CR1: variants seen among roughly 807,000 people sequenced by gnomAD.
CR1 encodes complement receptor type 1.
A neutral mutation model predicts 187.3 loss-of-function variants in CR1; 116 were observed. That is an observed-to-expected ratio of 0.62 (90% CI 0.53 to 0.72). CR1 has a LOEUF of 0.72. CR1 is among the 30% of genes least tolerant of loss of function. The probability of loss-of-function intolerance (pLI) is 0.00; values close to 1 mark genes in which losing one functional copy is unlikely to be tolerated. For missense variants in CR1, 1,731 were observed against 2,110.7 expected (o/e 0.82, Z 3.52); for synonymous variants, 576 against 747.1 (o/e 0.77, Z 3.73).
chr1:207,624,106 A>G (rs2102406973), intron 45 of CR1, among the ~76,000 whole-genome samples: 1 of 151,576 alleles, frequency 6.6e-6, no homozygotes, highest in South Asian at 2.1e-4. Context: ...TTGTATTTTT[A>G]GTACAGAAAG....
chr1:207,584,951 A>C, intron 33 of CR1, 75 bp downstream of exon 33: 1 of 1,575,924 alleles, frequency 6.3e-7, no homozygotes. Context: ...CTGTAATAAG[A>C]CTATGGTATT....
chr1:207,635,381 CTCGGCA>C (rs1662781785), intron 46 of CR1, among the ~76,000 whole-genome samples: 1 of 152,104 alleles, frequency 6.6e-6, no homozygotes, highest in Non-Finnish European at 1.5e-5. Context: ...GAACAAAGGT[CTCGGCA>C]TCATAAACAA....
At chr1:207,526,481 G>GTC (rs1206345958) in intron 5 of CR1, among the ~76,000 whole-genome samples, 3 of 150,810 alleles carry the variant, frequency 2.0e-5, no homozygotes, top group Non-Finnish European at 4.4e-5. Flanking sequence ...AGAAGGAACT[G>GTC]TCCATTGTGA....
rs1233918789 is a variant in CR1, at chr1:207,640,610, A to G, written c.*1201A>G. The stretch of plus-strand genomic sequence containing the variant: ...TTAAAACACAACTTTTAAAAAATGT[A>G]TCAAAATAATAAACGTGTTCTGATA... On this transcript the variant is annotated 3_prime_UTR_variant, in exon 47 of 47. Coordinates refer to ENST00000367049, the MANE Select transcript of CR1 (RefSeq NM_000651.6). 1 of 152,254 alleles carries G rather than the reference A, an allele frequency of 6.6e-6. No individual in the cohort carries two copies. Among genetic ancestry groups the G allele is most frequent in the Non-Finnish European group, 1.5e-5 (1 of 68,046 alleles). 9.4% of individuals were successfully genotyped at this position (152,254 alleles called of 1,614,324 possible).
In CR1 at chr1:207,612,007, C is replaced by T; in HGVS notation, c.6541C>T (p.Leu2181Phe). 4 of 1,614,036 alleles carry T rather than the reference C, an allele frequency of 2.5e-6. No individual in the cohort carries two copies. The change falls in exon 39 of 47, where the codon CTT becomes TTT. Residue 2181 changes from leucine to phenylalanine, a missense_variant. Leu to Phe is a conservative substitution (Grantham distance 22). This residue lies in a region of CR1 where 1,312 missense variants were observed against 1,379.6 expected (regional missense o/e 0.95). Transcript: ENST00000367049. ...TGTGCTACTTCCACTTAATCTCCAG[C>T]TTGGGGCAAAGGTGTCCTTTGTTTG... ...GRVLLPLNLQ[L>F]GAKVSFVCDE...
intron 40 of CR1, among the ~76,000 whole-genome samples, chr1:207,615,569 C>T (rs1392803183): frequency 2.0e-5 from 3 of 152,144 alleles, no homozygotes; most frequent in African/African-American, 7.2e-5. Context: ...CAAGACATTA[C>T]TGATTGATTC....
intron 42 of CR1, among the ~76,000 whole-genome samples, 199 bp downstream of exon 42, chr1:207,618,446 C>T (rs900268070): frequency 1.3e-5 from 2 of 152,148 alleles, no homozygotes; most frequent in East Asian, 3.8e-4. Flanking sequence ...AGTGCTTCTC[C>T]ATCCAGAGCA....
chr1:207,607,265 G>C lies in CR1; in HGVS notation c.5825G>C (p.Gly1942Ala). The change falls in exon 36 of 47, where the codon GGT becomes GCT. Residue 1942 changes from glycine (G) to alanine (A), a missense_variant. This residue lies in a region of CR1 where 1,312 missense variants were observed against 1,379.6 expected (regional missense o/e 0.95). Coordinates refer to ENST00000367049, the MANE Select transcript of CR1 (RefSeq NM_000651.6). Reference sequence around the variant, plus strand: ...CTTTGCTTTAGGTTTCGACTCATTGGTTCCCCATCTACTACTTGTCTCGTC... The same window carrying C: ...CTTTGCTTTAGGTTTCGACTCATTGCTTCCCCATCTACTACTTGTCTCGTC... Reference protein sequence around the residue: ...YSCNEGFRLIGSPSTTCLVSG... With the variant: ...YSCNEGFRLIASPSTTCLVSG... 6.2e-7 allele frequency: 1 copy of C among 1,613,306 alleles called. No individual in the cohort carries two copies. Among genetic ancestry groups the C allele is most frequent in the South Asian group, 1.1e-5 (1 of 91,056 alleles).
chr1:207,511,737 C>A (rs113566146), intron 4 of CR1, 83 bp downstream of exon 4: 15 of 1,345,480 alleles, frequency 1.1e-5, no homozygotes, highest in Admixed American at 7.3e-5. Context: ...AACTGAATTC[C>A]TTCTGTGCAA....
chr1:207,594,894 T>C (rs1661382508), intron 35 of CR1, among the ~76,000 whole-genome samples: 1 of 151,876 alleles, frequency 6.6e-6, no homozygotes, highest in African/African-American at 2.4e-5. Context: ...GATAAAGAAA[T>C]TGAAGATAAA....
Position 207,641,537 on chromosome 1 carries a change from TTG to T in CR1, c.*2130_*2131del, listed in dbSNP as rs1402697626. 6.6e-6 allele frequency: 1 copy of T among 152,238 alleles called. No homozygotes were observed. The highest frequency in any genetic ancestry group is 1.5e-5 in the Non-Finnish European group (1 of 68,050). 9.4% of individuals were successfully genotyped at this position (152,238 alleles called of 1,614,324 possible). On this transcript the variant is annotated 3_prime_UTR_variant, in exon 47 of 47. Coordinates refer to ENST00000367049, the MANE Select transcript of CR1 (RefSeq NM_000651.6). Reference sequence around the variant, plus strand: ...TGAGTAAAATACTATATTGCCTAACTTGTATTATTAAGCAATTCTGCTAACCT... The same window carrying T: ...TGAGTAAAATACTATATTGCCTAACTTATTATTAAGCAATTCTGCTAACCT...
intron 41 of CR1, among the ~76,000 whole-genome samples, chr1:207,617,551 A>G (rs1341550507): frequency 8.9e-6 from 1 of 112,662 alleles, no homozygotes; most frequent in Non-Finnish European, 1.9e-5. Flanking sequence ...GTGTGTATAT[A>G]TATATGTGTA....
intron 32 of CR1, among the ~76,000 whole-genome samples, chr1:207,582,329 C>T (rs1660982780): frequency 1.3e-5 from 2 of 152,176 alleles, no homozygotes; most frequent in African/African-American, 2.4e-5. Context: ...TTCAACTTTT[C>T]AGTTCTTCCC....
chr1:207,630,702 G>A, intron 46 of CR1, 81 bp downstream of exon 46: 3 of 908,708 alleles, frequency 3.3e-6, no homozygotes, highest in South Asian at 2.0e-5. Flanking sequence ...ATATGATATT[G>A]CACTAGGTAG....
At chr1:207,615,514 G>GA (rs1662066505) in intron 40 of CR1, among the ~76,000 whole-genome samples, 1 of 152,080 alleles carries the variant, frequency 6.6e-6, no homozygotes, top group African/African-American at 2.4e-5. Context: ...CCAAAATTCA[G>GA]AAAAAATTCA....
chr1:207,605,430 A>T (rs1027464827), intron 35 of CR1, among the ~76,000 whole-genome samples: 5 of 152,210 alleles, frequency 3.3e-5, no homozygotes, highest in Admixed American at 3.3e-4. Context: ...TTTGCAACAG[A>T]AACATATATC....
At chr1:207,582,399 T>C (rs1660984585) in intron 32 of CR1, among the ~76,000 whole-genome samples, 1 of 152,220 alleles carries the variant, frequency 6.6e-6, no homozygotes, top group South Asian at 2.1e-4. Context: ...GAGCACCTAC[T>C]ATGTGCCAAG....
chr1:207,617,505 ATATGTGTGTGTGTG>A (rs1456724797), intron 41 of CR1, among the ~76,000 whole-genome samples: 1 of 40,870 alleles, frequency 2.4e-5, no homozygotes, highest in African/African-American at 7.7e-5. Flanking sequence ...ATATATATAT[ATATGTGTGTGTGTG>A]TGTGTGTGTG....
chr1:207,615,982 G>A (rs1363172883), intron 40 of CR1, among the ~76,000 whole-genome samples: 6 of 152,134 alleles, frequency 3.9e-5, no homozygotes, highest in Non-Finnish European at 8.8e-5. Flanking sequence ...AGACTAAAAG[G>A]AGGAAGAAAT....
Sources: allele counts gnomAD v4.1 joint callset (sites outside exome capture counted in the v4.1 genomes callset), GRCh38; gene constraint gnomAD v4.1.1; regional missense constraint gnomAD v4.1.1; transcripts MANE v1.5; gene names NCBI Gene and HGNC (gene_info 2026-07-23, HGNC 2026-07-21).